DDX55: variants seen among roughly 807,000 people sequenced by gnomAD.
The protein encoded by DDX55 is ATP-dependent RNA helicase DDX55.
A neutral mutation model predicts 69.2 loss-of-function variants in DDX55; 56 were observed. The observed-to-expected ratio is 0.81, with a 90% CI of 0.65 to 1.01. The LOEUF is 1.01. Ranked by LOEUF, DDX55 falls within the 50% of genes least tolerant of loss-of-function variation. DDX55 has a pLI of 0.00. For synonymous variants in DDX55, 268 were observed against 273.1 expected, an observed-to-expected ratio of 0.98 and a Z score of 0.18; for missense variants, 720 against 745.1, an observed-to-expected ratio of 0.97 and a Z score of 0.39.
intron 1 of DDX55, among the ~76,000 whole-genome samples, chr12:123,603,392 CTTT>C (rs11438746): frequency 7.8e-6 from 1 of 128,560 alleles, no homozygotes; most frequent in African/African-American, 2.9e-5. Context: ...GGTTTTTATT[CTTT>C]TTTTTTTTTT....
rs754189427 is a variant in DDX55 at position 123,617,887 on chromosome 12, G to A, written c.1164+15G>A. The A allele has an allele frequency of 7.0e-6, 6 of 853,670 alleles. No individual in the cohort carries two copies. Among genetic ancestry groups the A allele is most frequent in the Non-Finnish European group, 9.9e-6 (6 of 607,680 alleles). The allele number at this position is 853,670 out of a possible 1,614,324, so 52.9% of individuals were successfully genotyped here. A position where few individuals can be genotyped will look rare whatever the true frequency, so the allele number is the denominator to read the frequency against. On this transcript the variant is annotated intron_variant, in intron 11 of 13. Transcript: ENST00000238146. ...TTAACCAAAAAGTAAGCTGCCGTCCGTTTTCAGATAGAATGCCTAGTGACG... is the reference window on the plus strand; with the variant it reads ...TTAACCAAAAAGTAAGCTGCCGTCCATTTTCAGATAGAATGCCTAGTGACG...
intron 13 of DDX55, 50 bp downstream of exon 13, chr12:123,619,774 TGTA>T (rs760905020): frequency 2.0e-6 from 3 of 1,533,652 alleles, no homozygotes; most frequent in South Asian, 1.3e-5. Flanking sequence ...ACAAATTTAT[TGTA>T]GTAGTTCTTT....
chr12:123,615,130 G>A lies in DDX55; in HGVS notation c.825-55G>A, dbSNP rs929894768. The A allele has an allele frequency of 1.5e-5, 24 of 1,606,900 alleles. No individual in the cohort carries two copies. In the East Asian group the frequency reaches 1.6e-4, roughly 11 times the overall value. ...CTATTGCTCACTGTTCCCCTCTCCC[G>A]GTTGTAGAAGGACCAAAGTGGCCAA... On this transcript the variant is annotated intron_variant, in intron 8 of 13. Transcript: ENST00000238146.
rs1158438400 is a variant in DDX55, at chr12:123,618,713, T to G, written c.1209T>G (p.Leu403=). 6.2e-7 allele frequency: 1 copy of G among 1,614,080 alleles called. No individual in the cohort carries two copies. Among genetic ancestry groups the G allele is most frequent in the Non-Finnish European group, 8.5e-7 (1 of 1,180,044 alleles). ...AGCCCCAGAGAAACACAGCGGACCT[T>G]CTGCCAAAACTCAAGTCCATGGCCC... The part of the protein sequence containing the change: ...EMKPQRNTAD[L]LPKLKSMALA... The change falls in exon 12 of 14, where the codon CTT becomes CTG. Residue 403 remains leucine (L), a synonymous_variant. Coordinates refer to ENST00000238146, the MANE Select transcript of DDX55 (RefSeq NM_020936.3).
chr12:123,605,781 C>A, intron 1 of DDX55, 150 bp from the exon 2 acceptor site: 3 of 1,047,562 alleles, frequency 2.9e-6, no homozygotes, highest in South Asian at 1.3e-5. Context: ...ACGTTTGATT[C>A]AACTTCTCTA....
At chr12:123,614,335 A>G (rs928053918) in intron 8 of DDX55, among the ~76,000 whole-genome samples, 7 of 152,214 alleles carry the variant, frequency 4.6e-5, no homozygotes, top group African/African-American at 1.7e-4. Flanking sequence ...AGGTGGAGGG[A>G]CTGAAGTAGA....
Position 123,605,994 on chromosome 12 carries a change from G to C in DDX55, c.159+13G>C. ...CGCTGCAGAAGCGGTGAGTGCCTCG[G>C]GTATGTGCAGCCTGTCCTCGTGTTC... On this transcript the variant is annotated intron_variant, in intron 2 of 13. Transcript: ENST00000238146. The C allele has an allele frequency of 6.2e-7, 1 of 1,614,064 alleles. No homozygotes were observed. The highest frequency in any genetic ancestry group is 8.5e-7 in the Non-Finnish European group (1 of 1,180,010).
At position 123,620,035 on chromosome 12, in the gene DDX55, A is replaced by G. The variant is rs758254613; in HGVS notation, c.1698A>G (p.Lys566=). The G allele has an allele frequency of 7.7e-5, 124 of 1,614,100 alleles. 1 individual carries two copies. The South Asian group carries it at 1.2e-3, about 15-fold the overall frequency. ...CAAGACTCTTGAAAAAACTTAAGAA[A>G]GGCAAAATAACTGAAGAAGAATTTG... The part of the protein sequence containing the change: ...NDTRLLKKLK[K]GKITEEEFEK... Residue 566 remains lysine (K), a synonymous_variant, in exon 14 of 14, where the codon AAA becomes AAG. Transcript: ENST00000238146.
In DDX55 at chr12:123,620,891, G is replaced by A. The variant is rs1028587136; in HGVS notation, c.*751G>A. 3 of 151,914 alleles carry A rather than the reference G, an allele frequency of 2.0e-5. No homozygotes were observed. Among genetic ancestry groups the A allele is most frequent in the African/African-American group, 7.3e-5 (3 of 41,356 alleles). The allele number at this position is 151,914 out of a possible 1,614,324, so 9.4% of individuals were successfully genotyped here. ...GGATTAAGTCATATTCCGGGAAAGAGAATTATAGTTTTTATGCCTCCTGTT... is the reference window on the plus strand; with the variant it reads ...GGATTAAGTCATATTCCGGGAAAGAAAATTATAGTTTTTATGCCTCCTGTT... On this transcript the variant is annotated 3_prime_UTR_variant, in exon 14 of 14. Transcript: ENST00000238146.
intron 8 of DDX55, among the ~76,000 whole-genome samples, chr12:123,614,287 A>G (rs1391045751): frequency 6.6e-6 from 1 of 152,218 alleles, no homozygotes; most frequent in Non-Finnish European, 1.5e-5. Context: ...TTCATTACAT[A>G]CTATGTGACT....
At chr12:123,614,005 A>G (rs1282620732) in intron 8 of DDX55, among the ~76,000 whole-genome samples, 2 of 151,478 alleles carry the variant, frequency 1.3e-5, no homozygotes, top group Non-Finnish European at 2.9e-5. Context: ...ATTTATTTAT[A>G]TATTTATATT....
chr12:123,607,850 C>A, intron 5 of DDX55, 188 bp downstream of exon 5: 1 of 700,884 alleles, frequency 1.4e-6, no homozygotes, highest in Non-Finnish European at 2.4e-6. Flanking sequence ...CTGATGAGAA[C>A]TTCACAAACT....
At chr12:123,617,627 C>T (rs1009307202) in intron 10 of DDX55, 131 bp from the exon 11 acceptor site, 8 of 609,852 alleles carry the variant, frequency 1.3e-5, no homozygotes, top group East Asian at 6.2e-5. Context: ...AGTAAGTGGC[C>T]GAGTCCACAC....
intron 1 of DDX55, chr12:123,605,494 G>T (rs1046197348): frequency 3.2e-6 from 1 of 308,588 alleles, no homozygotes; most frequent in Non-Finnish European, 6.3e-6. Flanking sequence ...GGAGGGAGCA[G>T]CCTCCAGGCC....
chr12:123,610,605 CTTTTTTTTTTT>C lies in DDX55; in HGVS notation c.741+491_741+501del, dbSNP rs35576014. ...GACCTGCATCAAATATGCTGAGTTT[CTTTTTTTTTTT>C]TTTTTTTTTTTTTGAGACAGAGTCT... On this transcript the variant is annotated intron_variant, in intron 7 of 13. Coordinates refer to ENST00000238146, the MANE Select transcript of DDX55 (RefSeq NM_020936.3). Among the ~76,000 whole-genome samples, 96 of 90,064 alleles carry C rather than the reference CTTTTTTTTTTT, an allele frequency of 1.1e-3. 1 individual carries two copies. Among genetic ancestry groups the C allele is most frequent in the African/African-American group, 3.9e-3 (91 of 23,382 alleles). The allele number at this position is 90,064 out of a possible 152,430, so 59.1% of individuals were successfully genotyped here. A position where few individuals can be genotyped will look rare whatever the true frequency, so the allele number is the denominator to read the frequency against.
rs1485108670 is a variant in DDX55 at position 123,602,227 on chromosome 12, C to G, written c.79C>G (p.Leu27Val). 6.4e-7 allele frequency: 1 copy of G among 1,570,114 alleles called. No homozygotes were observed. The change falls in exon 1 of 14, where the codon CTG (leucine) becomes GTG (valine). Residue 27 changes from leucine (L) to valine (V), a missense_variant. Leu to Val is a conservative substitution (Grantham distance 32). Transcript: ENST00000238146. ...HPQVLGALRE[L>V]GFPYMTPVQS... ...GCAGGTGCTGGGCGCGCTGCGGGAG[C>G]TGGGCTTCCCGTACATGACGCCGGT...
rs1243789428 is a variant in DDX55 at position 123,618,004 on chromosome 12, GCC to G, written c.1164+134_1164+135del. The G allele has an allele frequency of 1.3e-5, 10 of 763,078 alleles. No homozygotes were observed. In the East Asian group the frequency reaches 2.3e-4, roughly 18 times the overall value. 47.3% of individuals were successfully genotyped at this position (763,078 alleles called of 1,614,324 possible). ...GCTGGGCTGGTGGTGGCAGTGGGGG[GCC>G]CTGGTGGGGTTTTTTTTTTTTTTTT... On this transcript the variant is annotated intron_variant, in intron 11 of 13. Transcript: ENST00000238146.
intron 6 of DDX55, among the ~76,000 whole-genome samples, chr12:123,609,370 G>GTTTT (rs1220679978): frequency 8.8e-5 from 11 of 124,690 alleles, no homozygotes; most frequent in African/African-American, 1.6e-4. Flanking sequence ...TTTCCTTCAA[G>GTTTT]TTTTTTTTTT....
Position 123,619,642 on chromosome 12 carries a change from T to G in DDX55, c.1544T>G (p.Phe515Cys). ...ACAGAAAATGAAGGGAGAAGAAAAT[T>G]CATAAAAAATAAAGCTTGGTCAAAG... is the stretch of plus-strand genomic sequence containing the variant. ...EKTENEGRRK[F>C]IKNKAWSKQK... The change falls in exon 13 of 14, where the codon TTC (phenylalanine) becomes TGC (cysteine). Residue 515 changes from phenylalanine (F) to cysteine (C), a missense_variant. Coordinates refer to ENST00000238146, the MANE Select transcript of DDX55 (RefSeq NM_020936.3). The G allele has an allele frequency of 6.2e-7, 1 of 1,607,746 alleles. No individual in the cohort carries two copies. Among genetic ancestry groups the G allele is most frequent in the Non-Finnish European group, 8.5e-7 (1 of 1,177,662 alleles).
Sources: allele counts gnomAD v4.1 joint callset (sites outside exome capture counted in the v4.1 genomes callset), GRCh38; gene constraint gnomAD v4.1.1; transcripts MANE v1.5; gene names NCBI Gene and HGNC (gene_info 2026-07-23, HGNC 2026-07-21).